Variants in UST observed in about 807,000 individuals in gnomAD.
UST encodes chondroitin sulfate 2-O-sulfotransferase.
Under a neutral mutation model 45.6 loss-of-function variants are expected in UST, and 21 were observed. That is an observed-to-expected ratio of 0.46 (90% CI 0.33 to 0.66). UST has a LOEUF of 0.66. Ranked by LOEUF, UST falls within the 30% of genes least tolerant of loss-of-function variation. The pLI is 0.02. For synonymous variants in UST, 215 were observed against 200.6 expected, an observed-to-expected ratio of 1.07 and a Z score of -0.61; for missense variants, 463 against 512.4, an observed-to-expected ratio of 0.90 and a Z score of 0.93.
chr6:149,053,090 C>A (rs564558505), intron 7 of UST, among the ~76,000 whole-genome samples: 1 of 152,248 alleles, frequency 6.6e-6, no homozygotes, highest in African/African-American at 2.4e-5. Flanking sequence ...TCATATAGAA[C>A]AAAACTTGAT....
At chr6:149,051,390 C>T (rs1256085559) in intron 7 of UST, among the ~76,000 whole-genome samples, 2 of 152,118 alleles carry the variant, frequency 1.3e-5, no homozygotes, top group East Asian at 3.9e-4. Flanking sequence ...GCGCCTCTGC[C>T]AAGTGGTGGC....
intron 1 of UST, among the ~76,000 whole-genome samples, chr6:148,877,868 C>T (rs1346095866): frequency 1.8e-4 from 15 of 82,730 alleles, no homozygotes; most frequent in Middle Eastern, 0.012. Context: ...GGATCATGTA[C>T]GAGTGTGGGG....
intron 1 of UST, among the ~76,000 whole-genome samples, chr6:148,767,527 C>T (rs889858361): frequency 1.3e-5 from 2 of 152,096 alleles, no homozygotes; most frequent in East Asian, 1.9e-4. Flanking sequence ...TACCGTTTGA[C>T]TGTTAGGCAT....
intron 1 of UST, among the ~76,000 whole-genome samples, chr6:148,749,049 C>G (rs916957669): frequency 6.6e-6 from 1 of 152,078 alleles, no homozygotes; most frequent in Non-Finnish European, 1.5e-5. Context: ...ATATTCTTTA[C>G]CTTGTACAAG....
chr6:148,917,271 G>A (rs6906221), intron 2 of UST, among the ~76,000 whole-genome samples: 2,370 of 152,262 alleles, frequency 0.016, 72 homozygotes, highest in African/African-American at 0.054. Flanking sequence ...CTGCCGTGAG[G>A]GCTGGGACTT....
chr6:148,768,056 A>G (rs1776352965), intron 1 of UST, among the ~76,000 whole-genome samples: 1 of 152,180 alleles, frequency 6.6e-6, no homozygotes. Flanking sequence ...ATGTATACCA[A>G]TTTTTAAACT....
intron 4 of UST, among the ~76,000 whole-genome samples, chr6:148,958,203 C>T (rs1780564286): frequency 6.6e-6 from 1 of 152,124 alleles, no homozygotes; most frequent in African/African-American, 2.4e-5. Context: ...ACCTTCTAGG[C>T]TTCTTGTCCT....
At position 149,064,611 on chromosome 6, in the gene UST, C is replaced by G. The variant is rs901504441; in HGVS notation, c.938-9222C>G. On this transcript the variant is annotated intron_variant, in intron 7 of 7. Transcript: ENST00000367463. ...GCACACCAGTGAGGCCTAATTGAAGCCTTGATTTTGACGAGAAGCACTTAC... is the reference window on the plus strand; with the variant it reads ...GCACACCAGTGAGGCCTAATTGAAGGCTTGATTTTGACGAGAAGCACTTAC... 3.3e-5 allele frequency among the ~76,000 whole-genome samples: 5 copies of G among 152,092 alleles called. No homozygotes were observed. The East Asian group carries it at 9.6e-4, about 29-fold the overall frequency.
intron 5 of UST, among the ~76,000 whole-genome samples, chr6:149,010,102 C>A (rs1396027153): frequency 6.6e-6 from 1 of 151,466 alleles, no homozygotes; most frequent in African/African-American, 2.4e-5. Flanking sequence ...CCTATAGTTA[C>A]ATATTCTTTG....
At chr6:148,856,576 C>T (rs753303814) in intron 1 of UST, among the ~76,000 whole-genome samples, 4 of 152,190 alleles carry the variant, frequency 2.6e-5, no homozygotes, top group East Asian at 1.9e-4. Context: ...AGTGACTAGG[C>T]GGTAGCTACC....
rs1775922980 is a variant in UST at position 148,748,449 on chromosome 6, GT to G, written c.247+773del. 7.5e-6 allele frequency among the ~76,000 whole-genome samples: 1 copy of G among 134,172 alleles called. No individual in the cohort carries two copies. Among genetic ancestry groups the G allele is most frequent in the Non-Finnish European group, 1.6e-5 (1 of 62,618 alleles). The allele number at this position is 134,172 out of a possible 152,430, so 88.0% of individuals were successfully genotyped here. On this transcript the variant is annotated intron_variant, in intron 1 of 7. Coordinates refer to ENST00000367463, the MANE Select transcript of UST (RefSeq NM_005715.3). This position sits in a 1 kb window ranked among gnomAD's most constrained non-coding sequence, Gnocchi z 5.3. ...TGTGTGTGTGTGTGTGTGTGTGTGTGTGTGGTTTATTAGGAGAGAGGCCGCC... is the reference window on the plus strand; with the variant it reads ...TGTGTGTGTGTGTGTGTGTGTGTGTGGTGGTTTATTAGGAGAGAGGCCGCC...
At chr6:148,913,081 T>G (rs1779508143) in intron 2 of UST, among the ~76,000 whole-genome samples, 1 of 148,896 alleles carries the variant, frequency 6.7e-6, no homozygotes, top group African/African-American at 2.4e-5. Context: ...TCAAATAACT[T>G]TGTGCAGAAA....
At chr6:148,913,135 T>G (rs9399670) in intron 2 of UST, among the ~76,000 whole-genome samples, 58,952 of 152,016 alleles carry the variant, frequency 0.39, 12,190 homozygotes, top group South Asian at 0.56. Context: ...TGCAATGCCA[T>G]TGGCTTTTAT....
At chr6:149,042,202 T>C (rs1776324588) in intron 7 of UST, among the ~76,000 whole-genome samples, 1 of 152,152 alleles carries the variant, frequency 6.6e-6, no homozygotes, top group South Asian at 2.1e-4. Context: ...ATGGGGAGGC[T>C]CCTTAGAAAA....
chr6:148,899,401 C>A (rs1255490996), intron 2 of UST, among the ~76,000 whole-genome samples: 1 of 152,094 alleles, frequency 6.6e-6, no homozygotes, highest in Non-Finnish European at 1.5e-5. Context: ...ACCCAGCCTA[C>A]CTAATTCTTT....
chr6:149,063,882 G>A (rs182347741), intron 7 of UST, among the ~76,000 whole-genome samples: 1 of 152,312 alleles, frequency 6.6e-6, no homozygotes, highest in East Asian at 1.9e-4. Context: ...TGGTGGAGAT[G>A]TTAAGAATAA....
chr6:148,811,819 A>G (rs1777261878), intron 1 of UST, among the ~76,000 whole-genome samples: 1 of 152,200 alleles, frequency 6.6e-6, no homozygotes, highest in Non-Finnish European at 1.5e-5. Flanking sequence ...AGTAACTTCT[A>G]TTGCTAACAA....
chr6:149,031,187 A>C (rs1183864715), intron 7 of UST, among the ~76,000 whole-genome samples: 1 of 141,596 alleles, frequency 7.1e-6, no homozygotes, highest in Non-Finnish European at 1.5e-5. Context: ...AGCCTGGGCC[A>C]CAGAGCAAGA....
intron 7 of UST, among the ~76,000 whole-genome samples, chr6:149,072,653 CAAAA>C (rs61680098): frequency 2.1e-4 from 29 of 136,496 alleles, no homozygotes; most frequent in Admixed American, 3.8e-4. Context: ...AACTCCATCT[CAAAA>C]AAAAAAAAAA....
Sources: gnomAD v4.1 joint callset for allele counts (sites outside exome capture counted in the v4.1 genomes callset) on GRCh38, gnomAD v4.1.1 for gene constraint, Gnocchi (gnomAD v3.1) non-coding constraint, MANE v1.5 for transcripts, NCBI Gene and HGNC (gene_info 2026-07-23, HGNC 2026-07-21) for gene names.